LHFPL3: variants seen among roughly 807,000 people sequenced by gnomAD.
The protein encoded by LHFPL3 is LHFPL tetraspan subfamily member 3.
A neutral mutation model predicts 19.3 loss-of-function variants in LHFPL3; 5 were observed. The observed-to-expected ratio is 0.26, with a 90% confidence interval of 0.14 to 0.54. LHFPL3 has a LOEUF of 0.54. LHFPL3 is among the 20% of genes least tolerant of loss of function. The pLI, the probability that LHFPL3 is intolerant of heterozygous loss-of-function variation, is 0.94. For synonymous variants in LHFPL3, 133 were observed against 126.2 expected (o/e 1.05, Z -0.36); for missense variants, 249 against 307.4 (o/e 0.81, Z 1.42).
At chr7:104,772,305 C>G (rs766134631) in intron 2 of LHFPL3, among the ~76,000 whole-genome samples, 1 of 152,182 alleles carries the variant, frequency 6.6e-6, no homozygotes, top group Non-Finnish European at 1.5e-5. Context: ...AAGGAAGTGA[C>G]TTGCCAAAAA....
At chr7:104,791,257 A>G (rs936896937) in intron 2 of LHFPL3, among the ~76,000 whole-genome samples, 2 of 152,206 alleles carry the variant, frequency 1.3e-5, no homozygotes, top group Non-Finnish European at 2.9e-5. Context: ...AACAAACACA[A>G]AAGGACAAAG....
At chr7:104,440,961 A>G (rs773423368) in intron 1 of LHFPL3, among the ~76,000 whole-genome samples, 3 of 152,166 alleles carry the variant, frequency 2.0e-5, no homozygotes, top group Non-Finnish European at 4.4e-5. Context: ...AACCATCACC[A>G]CAATCAAGGT....
At chr7:104,750,796 G>A (rs953295057) in intron 2 of LHFPL3, among the ~76,000 whole-genome samples, 1 of 152,164 alleles carries the variant, frequency 6.6e-6, no homozygotes, top group Non-Finnish European at 1.5e-5. Flanking sequence ...GGAACAAATG[G>A]CTGAATTGGG....
At chr7:104,710,034 T>C (rs1334879737) in intron 1 of LHFPL3, among the ~76,000 whole-genome samples, 3 of 152,174 alleles carry the variant, frequency 2.0e-5, no homozygotes, top group Admixed American at 6.5e-5. Flanking sequence ...CTGGGCAACA[T>C]TGAGCACTGA....
intron 2 of LHFPL3, among the ~76,000 whole-genome samples, chr7:104,893,513 C>A (rs1792293828): frequency 6.6e-6 from 1 of 151,390 alleles, no homozygotes; most frequent in Non-Finnish European, 1.5e-5. Context: ...CAGAGCAAGG[C>A]TCCATCTCAA....
chr7:104,604,000 C>G (rs564333232), intron 1 of LHFPL3, among the ~76,000 whole-genome samples: 1 of 152,274 alleles, frequency 6.6e-6, no homozygotes, highest in East Asian at 1.9e-4. Flanking sequence ...CTACAGTTCT[C>G]GTGTCTAAGG....
At position 104,485,576 on chromosome 7, in the gene LHFPL3, A is replaced by G. The variant is rs946986035; in HGVS notation, c.445+156352A>G. ...AAAGAATTTGGAATATTTCTTTTGT[A>G]TTTTCCCTTGATGCTCTGGAACCAT... is the stretch of plus-strand genomic sequence containing the variant. On this transcript the variant is annotated intron_variant, in intron 1 of 2. Coordinates refer to ENST00000424859, the MANE Select transcript of LHFPL3 (RefSeq NM_199000.3). Among the ~76,000 whole-genome samples the G allele has an allele frequency of 2.6e-5, 4 of 152,180 alleles. 1 individual carries two copies. The highest frequency in any genetic ancestry group is 2.6e-4 in the Admixed American group (4 of 15,288).
chr7:104,645,112 C>T (rs1200502265), intron 1 of LHFPL3, among the ~76,000 whole-genome samples: 1 of 152,172 alleles, frequency 6.6e-6, no homozygotes, highest in Non-Finnish European at 1.5e-5. Context: ...ATCGCTTTGC[C>T]TGTGTAGACA....
intron 1 of LHFPL3, among the ~76,000 whole-genome samples, chr7:104,734,998 G>T (rs1351392793): frequency 6.6e-6 from 1 of 152,192 alleles, no homozygotes; most frequent in East Asian, 1.9e-4. Context: ...GACCCTGTTT[G>T]CCTGGGTATC....
chr7:104,608,920 A>G (rs907203590), intron 1 of LHFPL3, among the ~76,000 whole-genome samples: 1 of 152,202 alleles, frequency 6.6e-6, no homozygotes, highest in Admixed American at 6.5e-5. Context: ...AAAGAATTAA[A>G]TGAGATAATA....
chr7:104,677,486 ATC>A (rs1792613338), intron 1 of LHFPL3, among the ~76,000 whole-genome samples: 1 of 152,224 alleles, frequency 6.6e-6, no homozygotes, highest in Non-Finnish European at 1.5e-5. Context: ...TGTTATGTTC[ATC>A]TCTGGGTAGT....
intron 1 of LHFPL3, among the ~76,000 whole-genome samples, chr7:104,430,051 T>C (rs1241786589): frequency 6.6e-6 from 1 of 151,954 alleles, no homozygotes; most frequent in African/African-American, 2.4e-5. Context: ...CTGAGTGTAA[T>C]AGTGAGTTAT....
chr7:104,503,454 G>A (rs1434556030), intron 1 of LHFPL3, among the ~76,000 whole-genome samples: 1 of 152,148 alleles, frequency 6.6e-6, no homozygotes, highest in African/African-American at 2.4e-5. Context: ...TTTATATTAT[G>A]AGAAACAAAG....
At chr7:104,805,440 A>T (rs1397091146) in intron 2 of LHFPL3, among the ~76,000 whole-genome samples, 1 of 152,186 alleles carries the variant, frequency 6.6e-6, no homozygotes, top group African/African-American at 2.4e-5. Context: ...CAATGTAGTG[A>T]TGTTGTCACC....
intron 1 of LHFPL3, among the ~76,000 whole-genome samples, chr7:104,487,934 C>T (rs999879660): frequency 6.6e-6 from 1 of 152,154 alleles, no homozygotes; most frequent in Non-Finnish European, 1.5e-5. Context: ...AAACTTGGGG[C>T]TCTCTTTTTG....
chr7:104,793,803 C>G (rs904114888), intron 2 of LHFPL3, among the ~76,000 whole-genome samples: 2 of 152,142 alleles, frequency 1.3e-5, no homozygotes, highest in African/African-American at 4.8e-5. Context: ...TTTTGAAACT[C>G]GAACTCTTGT....
intron 1 of LHFPL3, among the ~76,000 whole-genome samples, chr7:104,555,039 A>C (rs1794737886): frequency 6.6e-6 from 1 of 152,166 alleles, no homozygotes. Flanking sequence ...AGGTGACTGG[A>C]TGGTGCCTTC....
intron 2 of LHFPL3, among the ~76,000 whole-genome samples, chr7:104,903,645 T>C (rs967412783): frequency 4.6e-5 from 7 of 152,034 alleles, no homozygotes; most frequent in African/African-American, 1.7e-4. Context: ...TTTGTATTTT[T>C]AGTAGAGATG....
chr7:104,561,823 G>C (rs952936768), intron 1 of LHFPL3, among the ~76,000 whole-genome samples: 5 of 152,172 alleles, frequency 3.3e-5, no homozygotes, highest in Non-Finnish European at 5.9e-5. Context: ...GCTGGTACTG[G>C]TTGTTCCTTT....
Sources: gnomAD v4.1 joint callset for allele counts (sites outside exome capture counted in the v4.1 genomes callset) on GRCh38, gnomAD v4.1.1 for gene constraint, MANE v1.5 for transcripts, NCBI Gene and HGNC (gene_info 2026-07-23, HGNC 2026-07-21) for gene names.